The following PPM1E variants were observed in gnomAD, a reference collection of about 807,000 sequenced individuals.
PPM1E encodes protein phosphatase 1E.
Under a neutral mutation model 65.9 loss-of-function variants are expected in PPM1E, and 20 were observed. The observed-to-expected ratio is 0.30, with a 90% CI of 0.21 to 0.44. PPM1E has a LOEUF of 0.44. Ranked by LOEUF, PPM1E falls within the 20% of genes least tolerant of loss-of-function variation. The pLI, the probability that PPM1E is intolerant of heterozygous loss-of-function variation, is 1.00. For missense variants in PPM1E, 713 were observed against 953.1 expected (o/e 0.75, Z 3.32); for synonymous variants, 352 against 374.9 (o/e 0.94, Z 0.70).
At chr17:58,966,189 C>G (rs2030225795) in intron 3 of PPM1E, 1 of 432,956 alleles carries the variant, frequency 2.3e-6, no homozygotes, top group African/African-American at 2.0e-5. Flanking sequence ...GTGTCACCTT[C>G]CAGAGCTATT....
At chr17:58,909,223 T>G (rs2051594535) in intron 1 of PPM1E, among the ~76,000 whole-genome samples, 1 of 152,110 alleles carries the variant, frequency 6.6e-6, no homozygotes, top group African/African-American at 2.4e-5. Flanking sequence ...TGAGAAAGTC[T>G]TTATTTCTCC....
At chr17:58,970,783 G>C (rs565870917) in intron 4 of PPM1E, among the ~76,000 whole-genome samples, 1 of 152,112 alleles carries the variant, frequency 6.6e-6, no homozygotes, top group South Asian at 2.1e-4. Context: ...CCAGTCTCTT[G>C]AGGACCTGCA....
chr17:58,836,938 T>A (rs2143199480), intron 1 of PPM1E, among the ~76,000 whole-genome samples: 1 of 142,968 alleles, frequency 7.0e-6, no homozygotes, highest in Admixed American at 7.3e-5. Flanking sequence ...GAGAATGGCG[T>A]GAACCCGGGA....
At chr17:58,912,077 C>T (rs1050575610) in intron 1 of PPM1E, among the ~76,000 whole-genome samples, 2 of 152,124 alleles carry the variant, frequency 1.3e-5, no homozygotes, top group African/African-American at 4.8e-5. Flanking sequence ...TCTAAGCTGA[C>T]CCTGGTTGGC....
intron 1 of PPM1E, among the ~76,000 whole-genome samples, chr17:58,953,753 T>TTC (rs2143639342): frequency 6.6e-6 from 1 of 151,488 alleles, no homozygotes; most frequent in African/African-American, 2.4e-5. Flanking sequence ...CATCTTTTTT[T>TTC]TTTTTTTTTT....
intron 1 of PPM1E, among the ~76,000 whole-genome samples, chr17:58,821,987 G>A (rs766710201): frequency 7.9e-5 from 12 of 152,118 alleles, no homozygotes; most frequent in Non-Finnish European, 8.8e-5. Context: ...TTTGAAAGGC[G>A]ATCAAGGAAA....
intron 1 of PPM1E, among the ~76,000 whole-genome samples, chr17:58,789,804 A>T (rs577473339): frequency 7.6e-4 from 115 of 152,116 alleles, no homozygotes; most frequent in Non-Finnish European, 4.7e-4. Context: ...GATGTGACAC[A>T]CAAGAACACT....
intron 1 of PPM1E, among the ~76,000 whole-genome samples, chr17:58,846,515 G>A (rs975592226): frequency 1.3e-5 from 2 of 152,106 alleles, no homozygotes; most frequent in Non-Finnish European, 2.9e-5. Context: ...GTGAGAACAT[G>A]TGGTGTTTGG....
chr17:58,973,028 G>C (rs2030738892), intron 6 of PPM1E, 103 bp downstream of exon 6: 1 of 710,564 alleles, frequency 1.4e-6, no homozygotes, highest in Non-Finnish European at 2.4e-6. Flanking sequence ...TATGTTACCA[G>C]AATGCTTATT....
At chr17:58,849,498 C>T (rs1175960576) in intron 1 of PPM1E, among the ~76,000 whole-genome samples, 2 of 152,202 alleles carry the variant, frequency 1.3e-5, no homozygotes, top group African/African-American at 2.4e-5. Context: ...TTTCAAAGAA[C>T]ACCTTTATTT....
chr17:58,832,846 G>A (rs571495429), intron 1 of PPM1E, among the ~76,000 whole-genome samples: 83 of 151,360 alleles, frequency 5.5e-4, no homozygotes, highest in Non-Finnish European at 1.0e-3. Context: ...ATGGAGCCTC[G>A]CTCTGTTACC....
chr17:58,909,284 T>TTC (rs2051595291), intron 1 of PPM1E, among the ~76,000 whole-genome samples: 1 of 152,096 alleles, frequency 6.6e-6, no homozygotes, highest in Admixed American at 6.6e-5. Context: ...CTGAGACAGG[T>TTC]TCTCACTCCA....
chr17:58,864,725 C>T (rs193252674), intron 1 of PPM1E, among the ~76,000 whole-genome samples: 26 of 151,790 alleles, frequency 1.7e-4, no homozygotes, highest in African/African-American at 5.8e-4. Context: ...ATCAGGAGGT[C>T]AGGTGTTCAA....
chr17:58,981,052 G>T lies in PPM1E; in HGVS notation c.*21G>T. ...AATAATTTTTCTTTCAAGTAGGTTA[G>T]CTAGCTCTCCCCCAATAAAAATACC... is the stretch of plus-strand genomic sequence containing the variant. On this transcript the variant is annotated 3_prime_UTR_variant, in exon 7 of 7. Coordinates refer to ENST00000308249, the MANE Select transcript of PPM1E (RefSeq NM_014906.5). The T allele has an allele frequency of 1.3e-6, 2 of 1,511,468 alleles. No homozygotes were observed. Among genetic ancestry groups the T allele is most frequent in the South Asian group, 2.5e-5 (2 of 79,072 alleles). 93.6% of individuals were successfully genotyped at this position (1,511,468 alleles called of 1,614,324 possible).
chr17:58,972,159 G>A lies in PPM1E; in HGVS notation c.1000G>A (p.Val334Met). The A allele has an allele frequency of 6.2e-7, 1 of 1,614,040 alleles. No individual in the cohort carries two copies. The highest frequency in any genetic ancestry group is 8.5e-7 in the Non-Finnish European group (1 of 1,179,950). The change falls in exon 5 of 7, where the codon GTG becomes ATG. Residue 334 changes from valine to methionine, a missense_variant. This residue lies in a region of PPM1E where 88 missense variants were observed against 231.1 expected (regional missense o/e 0.38). Transcript: ENST00000308249. The stretch of plus-strand genomic sequence containing the variant: ...CTTAAGATGTGGGACCACAGGAGTG[G>A]TGACTTTCATCAGAGGCAACATGCT... ...ESLRCGTTGV[V>M]TFIRGNMLHV...
Position 58,868,296 on chromosome 17 carries a change from G to A in PPM1E, c.465-87353G>A, listed in dbSNP as rs1017032850. Among the ~76,000 whole-genome samples, 14 of 152,138 alleles carry A rather than the reference G, an allele frequency of 9.2e-5. No individual in the cohort carries two copies. The East Asian group carries it at 1.7e-3, about 19-fold the overall frequency. ...ATTGCACTACTGCAATTCAGCCTGG[G>A]TGACAGAATGAGACCCTGTCTCAAT... is the stretch of plus-strand genomic sequence containing the variant. On this transcript the variant is annotated intron_variant, in intron 1 of 6. Coordinates refer to ENST00000308249, the MANE Select transcript of PPM1E (RefSeq NM_014906.5).
At chr17:58,943,306 A>G (rs1232977382) in intron 1 of PPM1E, among the ~76,000 whole-genome samples, 2 of 152,134 alleles carry the variant, frequency 1.3e-5, no homozygotes, top group Admixed American at 1.3e-4. Flanking sequence ...TAAATAAAAA[A>G]CAAAACAACA....
intron 1 of PPM1E, among the ~76,000 whole-genome samples, chr17:58,761,237 G>T (rs1178369648): frequency 1.3e-5 from 2 of 152,176 alleles, no homozygotes; most frequent in Non-Finnish European, 2.9e-5. Context: ...AGGTTAGGCT[G>T]ATACTATGTG....
intron 1 of PPM1E, among the ~76,000 whole-genome samples, chr17:58,807,059 G>A (rs2050323130): frequency 6.6e-6 from 1 of 151,986 alleles, no homozygotes; most frequent in Admixed American, 6.6e-5. Context: ...AAAAATTTTA[G>A]TAGAGGTCTT....
Sources: gnomAD v4.1 joint callset for allele counts (sites outside exome capture counted in the v4.1 genomes callset) on GRCh38, gnomAD v4.1.1 for gene constraint, gnomAD v4.1.1 regional missense constraint, MANE v1.5 for transcripts, NCBI Gene and HGNC (gene_info 2026-07-23, HGNC 2026-07-21) for gene names.